Variants in ACSBG1 observed in about 807,000 individuals in gnomAD.
ACSBG1 encodes the protein long-chain-fatty-acid--CoA ligase ACSBG1.
ACSBG1 carries 39 observed loss-of-function variants against 80.2 expected under a neutral mutation model. That is an observed-to-expected ratio of 0.49 (90% CI 0.38 to 0.64). ACSBG1 has a LOEUF of 0.64. ACSBG1 is among the 30% of genes least tolerant of loss of function. ACSBG1 has a pLI of 0.00. For synonymous variants in ACSBG1, 392 were observed against 379.5 expected (o/e 1.03, Z -0.38); for missense variants, 828 against 966.4 (o/e 0.86, Z 1.90).
At chr15:78,226,170 C>A (rs947311594) in intron 1 of ACSBG1, among the ~76,000 whole-genome samples, 2 of 151,988 alleles carry the variant, frequency 1.3e-5, no homozygotes, top group African/African-American at 4.8e-5. Context: ...TCAAAATGTA[C>A]AATTAAATTG....
Position 78,169,232 on chromosome 15 carries a change from TG to T in ACSBG1, c.*2211del, listed in dbSNP as rs1404253182. The T allele has an allele frequency of 2.0e-5, 7 of 345,660 alleles. No individual in the cohort carries two copies. Among genetic ancestry groups the T allele is most frequent in the African/African-American group, 1.3e-4 (6 of 47,582 alleles). 21.4% of individuals were successfully genotyped at this position (345,660 alleles called of 1,614,324 possible). On this transcript the variant is annotated 3_prime_UTR_variant, in exon 14 of 14. Transcript: ENST00000258873. ...TTGTTTTATTTATTAAGTGTCTACC[TG>T]GTAAATGTTTTTTTTGTAAACTCTG...
chr15:78,188,976 A>G (rs1274226701), intron 5 of ACSBG1, among the ~76,000 whole-genome samples: 1 of 149,480 alleles, frequency 6.7e-6, no homozygotes, highest in African/African-American at 2.5e-5. Context: ...ATTTACAAGA[A>G]AAAAACAAAC....
chr15:78,197,204 A>G (rs2075122066), intron 2 of ACSBG1, among the ~76,000 whole-genome samples: 1 of 152,172 alleles, frequency 6.6e-6, no homozygotes, highest in Non-Finnish European at 1.5e-5. Context: ...AAGGCAGAAA[A>G]GATAGAAAGC....
In ACSBG1 at chr15:78,234,523, G is replaced by A; in HGVS notation, c.-22C>T. On this transcript the variant is annotated 5_prime_UTR_variant, in exon 1 of 14. Coordinates refer to ENST00000258873, the MANE Select transcript of ACSBG1 (RefSeq NM_015162.5). ...GCATCTGCCTCGGGCTTCCACTGAA[G>A]ACAGCTCAGTCACCCACTGAGAGAG... 2 of 1,582,304 alleles carry A rather than the reference G, an allele frequency of 1.3e-6. No individual in the cohort carries two copies. The highest frequency in any genetic ancestry group is 1.7e-6 in the Non-Finnish European group (2 of 1,166,482).
chr15:78,193,424 G>A (rs902577227), intron 5 of ACSBG1, 82 bp downstream of exon 5: 32 of 1,531,544 alleles, frequency 2.1e-5, no homozygotes, highest in African/African-American at 9.6e-5. Flanking sequence ...GATGGAGGGC[G>A]GGAAGGTTCC....
At chr15:78,207,151 C>T (rs1220257744) in intron 2 of ACSBG1, among the ~76,000 whole-genome samples, 1 of 152,212 alleles carries the variant, frequency 6.6e-6, no homozygotes, top group Non-Finnish European at 1.5e-5. Flanking sequence ...GTCCCTGTTC[C>T]TGGCCTCTCT....
chr15:78,218,351 G>A (rs2075329883), intron 1 of ACSBG1, among the ~76,000 whole-genome samples: 1 of 152,158 alleles, frequency 6.6e-6, no homozygotes, highest in African/African-American at 2.4e-5. Context: ...GCTCTGCAGT[G>A]GGCTGGTTCT....
chr15:78,182,026 C>T lies in ACSBG1; in HGVS notation c.1014G>A (p.Leu338=). 1 of 1,614,188 alleles carries T rather than the reference C, an allele frequency of 6.2e-7. No individual in the cohort carries two copies. The highest frequency in any genetic ancestry group is 1.1e-5 in the South Asian group (1 of 91,086). ...LSHIAAQIYD[L]WTGIQWGAQV... ...GGGCCCCCCACTGGATGCCTGTCCA[C>T]AGGTCGTAGATCTGGGCGGCAATAT... The change falls in exon 8 of 14, where the codon CTG becomes CTA. Residue 338 remains leucine, a synonymous_variant. Coordinates refer to ENST00000258873, the MANE Select transcript of ACSBG1 (RefSeq NM_015162.5).
At chr15:78,208,438 G>A (rs967800589) in intron 1 of ACSBG1, among the ~76,000 whole-genome samples, 38 of 152,198 alleles carry the variant, frequency 2.5e-4, no homozygotes, top group African/African-American at 8.4e-4. Context: ...CCACCTGGAT[G>A]AGGACGGGGC....
At position 78,183,035 on chromosome 15, in the gene ACSBG1, G is replaced by T. The variant is rs1346604979; in HGVS notation, c.664-250C>A. ...TTGAAGGAAAACCACCAAACAAGCT[G>T]GGGCTTGGTTGAACAAACCATGATC... On this transcript the variant is annotated intron_variant, in intron 5 of 13. Transcript: ENST00000258873. The T allele has an allele frequency of 1.1e-5, 6 of 570,458 alleles. No homozygotes were observed. In the African/African-American group the frequency reaches 1.1e-4, roughly 11 times the overall value. The allele number at this position is 570,458 out of a possible 1,614,324, so 35.3% of individuals were successfully genotyped here.
intron 1 of ACSBG1, chr15:78,213,396 G>A (rs2075282980): frequency 6.6e-6 from 1 of 152,346 alleles, no homozygotes; most frequent in East Asian, 1.9e-4. Context: ...TCACGGTAGA[G>A]GGTGTGCCTG....
chr15:78,184,349 C>CT (rs74648845), intron 5 of ACSBG1, among the ~76,000 whole-genome samples: 98 of 116,892 alleles, frequency 8.4e-4, no homozygotes, highest in East Asian at 5.2e-3. Flanking sequence ...TAAATTTTTC[C>CT]TTTTTTTTTT....
intron 1 of ACSBG1, among the ~76,000 whole-genome samples, chr15:78,220,700 A>G (rs1224401593): frequency 6.6e-6 from 1 of 152,266 alleles, no homozygotes; most frequent in East Asian, 1.9e-4. Context: ...GCAAATGGAC[A>G]ACAAGCACAT....
At chr15:78,191,302 A>C (rs570047827) in intron 5 of ACSBG1, among the ~76,000 whole-genome samples, 24 of 152,394 alleles carry the variant, frequency 1.6e-4, no homozygotes, top group African/African-American at 5.8e-4. Flanking sequence ...GATGTCTACC[A>C]TAATAATTGG....
Position 78,231,451 on chromosome 15 carries a change from A to C in ACSBG1, c.131+2920T>G, listed in dbSNP as rs538346732. Among the ~76,000 whole-genome samples the C allele has an allele frequency of 2.7e-5, 4 of 150,450 alleles. No individual in the cohort carries two copies. In the South Asian group the frequency reaches 6.3e-4, roughly 24 times the overall value. On this transcript the variant is annotated intron_variant, in intron 1 of 13. Transcript: ENST00000258873. ...CAGCTTTTTTGTATTTTTTTAAGCA[A>C]ATTTTTGTATTTTTTGTACAGACAG...
chr15:78,192,586 C>G (rs1344116701), intron 5 of ACSBG1, among the ~76,000 whole-genome samples: 1 of 152,198 alleles, frequency 6.6e-6, no homozygotes, highest in African/African-American at 2.4e-5. Context: ...GGGTCTCCCC[C>G]AAGGATTCTG....
At position 78,171,212 on chromosome 15, in the gene ACSBG1, CA is replaced by C. The variant is rs2074817285; in HGVS notation, c.*231del. ...GAGCTGATCTCATTTGTCACCTGAA[CA>C]AAAAGCAATACTTAAACTGAATTAA... On this transcript the variant is annotated 3_prime_UTR_variant, in exon 14 of 14. Transcript: ENST00000258873. 2.6e-6 allele frequency: 1 copy of C among 382,366 alleles called. No homozygotes were observed. Among genetic ancestry groups the C allele is most frequent in the Non-Finnish European group, 4.8e-6 (1 of 208,838 alleles). The allele number at this position is 382,366 out of a possible 1,614,324, so 23.7% of individuals were successfully genotyped here. A position where few individuals can be genotyped will look rare whatever the true frequency, so the allele number is the denominator to read the frequency against.
At chr15:78,230,481 T>C (rs966627414) in intron 1 of ACSBG1, among the ~76,000 whole-genome samples, 5 of 152,204 alleles carry the variant, frequency 3.3e-5, no homozygotes, top group African/African-American at 1.2e-4. Flanking sequence ...AGACCCGCCT[T>C]TCCCCAGGAG....
intron 2 of ACSBG1, among the ~76,000 whole-genome samples, chr15:78,196,208 C>T (rs144978152): frequency 1.3e-5 from 2 of 152,330 alleles, no homozygotes; most frequent in Non-Finnish European, 2.9e-5. Context: ...CAGGTAGTGG[C>T]GTGAGTCAAG....
Sources: gnomAD v4.1 joint callset for allele counts (sites outside exome capture counted in the v4.1 genomes callset) on GRCh38, gnomAD v4.1.1 for gene constraint, MANE v1.5 for transcripts, NCBI Gene and HGNC (gene_info 2026-07-23, HGNC 2026-07-21) for gene names.